The following STK17B variants were observed in gnomAD, a reference collection of about 807,000 sequenced individuals.
STK17B encodes serine/threonine kinase 17b.
A neutral mutation model predicts 42.0 loss-of-function variants in STK17B; 21 were observed. The ratio of observed to expected loss-of-function variants is 0.50; its 90% CI spans 0.35 to 0.72. The LOEUF (loss-of-function observed/expected upper bound fraction) is 0.72. Ranked by LOEUF, STK17B falls within the 30% of genes least tolerant of loss-of-function variation. STK17B has a pLI of 0.00. For missense variants in STK17B, 349 were observed against 446.0 expected (o/e 0.78, Z 1.96); for synonymous variants, 143 against 148.4 (o/e 0.96, Z 0.26).
At chr2:196,142,266 C>G (rs541915472) in intron 5 of STK17B, among the ~76,000 whole-genome samples, 1 of 152,296 alleles carries the variant, frequency 6.6e-6, no homozygotes, top group East Asian at 1.9e-4. Flanking sequence ...CCATGTTGGT[C>G]AGGCTGGTCT....
chr2:196,153,719 CA>C (rs1394620789), intron 3 of STK17B: 1 of 151,862 alleles, frequency 6.6e-6, no homozygotes, highest in Non-Finnish European at 1.5e-5. Flanking sequence ...ACACCAATGA[CA>C]TTATATCAAA....
intron 2 of STK17B, among the ~76,000 whole-genome samples, chr2:196,157,127 G>C (rs1029574376): frequency 6.7e-6 from 1 of 149,564 alleles, no homozygotes; most frequent in African/African-American, 2.5e-5. Context: ...ACTCCAGCCT[G>C]GGTGACAGAG....
intron 5 of STK17B, among the ~76,000 whole-genome samples, chr2:196,141,612 T>A (rs528180657): frequency 6.6e-6 from 1 of 152,288 alleles, no homozygotes; most frequent in African/African-American, 2.4e-5. Context: ...TGAGCTGAGA[T>A]CCCACCACTG....
intron 3 of STK17B, chr2:196,154,815 A>C (rs1402957717): frequency 6.6e-6 from 1 of 152,368 alleles, no homozygotes; most frequent in East Asian, 1.9e-4. Context: ...ATAGTAATTA[A>C]GCCGAAGTTC....
intron 3 of STK17B, among the ~76,000 whole-genome samples, chr2:196,152,746 G>T (rs1047253022): frequency 3.5e-4 from 53 of 152,198 alleles, no homozygotes; most frequent in African/African-American, 1.0e-3. Context: ...TTTTCTGTAA[G>T]TAAGAATATT....
intron 1 of STK17B, 95 bp from the exon 2 acceptor site, chr2:196,163,522 A>T (rs1699839381): frequency 7.6e-6 from 2 of 262,706 alleles, no homozygotes; most frequent in South Asian, 1.2e-4. Flanking sequence ...AAATACAACT[A>T]AAAAAAAAAA....
chr2:196,174,826 C>G (rs1358737897), upstream of STK17B, among the ~76,000 whole-genome samples: 1 of 152,242 alleles, frequency 6.6e-6, no homozygotes, highest in South Asian at 2.1e-4. Flanking sequence ...TCTTGAAACA[C>G]TATTAGCAAA....
intron 2 of STK17B, among the ~76,000 whole-genome samples, chr2:196,161,511 CT>C (rs71009086): frequency 6.9e-3 from 480 of 69,488 alleles, no homozygotes; most frequent in African/African-American, 0.026. Flanking sequence ...TATTATAATT[CT>C]TTTTTTTTTT....
In STK17B at chr2:196,141,306, A is replaced by G; in HGVS notation, c.608-9T>C. On this transcript the variant is annotated splice_polypyrimidine_tract_variant and intron_variant, in intron 5 of 7. Coordinates refer to ENST00000263955, the MANE Select transcript of STK17B (RefSeq NM_004226.4). ...GTTCAGGATTTCTGGAGCTGAAAGAAAAGATAAAACTTAAATTCAATATTG... is the reference window on the plus strand; with the variant it reads ...GTTCAGGATTTCTGGAGCTGAAAGAGAAGATAAAACTTAAATTCAATATTG... 1 of 1,600,004 alleles carries G rather than the reference A, an allele frequency of 6.2e-7. No individual in the cohort carries two copies. Among genetic ancestry groups the G allele is most frequent in the Non-Finnish European group, 8.5e-7 (1 of 1,171,566 alleles).
rs1290562959 is a variant in STK17B, at chr2:196,135,823, G to T, written c.*1624C>A. On this transcript the variant is annotated 3_prime_UTR_variant, in exon 8 of 8. Coordinates refer to ENST00000263955, the MANE Select transcript of STK17B (RefSeq NM_004226.4). ...AAAGCTCCTTTGGCACCTGAGTTGA[G>T]CACAATATACCACAGCAAAGAATCT... 1.4e-5 allele frequency: 2 copies of T among 145,142 alleles called. No homozygotes were observed. The highest frequency in any genetic ancestry group is 3.0e-5 in the Non-Finnish European group (2 of 66,648). The allele number at this position is 145,142 out of a possible 1,614,324, so 9.0% of individuals were successfully genotyped here.
upstream of STK17B, among the ~76,000 whole-genome samples, chr2:196,174,639 G>T (rs960089528): frequency 6.6e-6 from 1 of 152,226 alleles, no homozygotes. Flanking sequence ...CCCAACAGGG[G>T]TGCTCACTGA....
intron 3 of STK17B, among the ~76,000 whole-genome samples, chr2:196,147,150 C>T (rs1699588122): frequency 6.6e-6 from 1 of 152,004 alleles, no homozygotes; most frequent in Admixed American, 6.6e-5. Context: ...GAACATCATG[C>T]AAAAACATTT....
chr2:196,167,669 T>C (rs1273754679), intron 1 of STK17B, among the ~76,000 whole-genome samples: 2 of 152,220 alleles, frequency 1.3e-5, no homozygotes, highest in East Asian at 3.8e-4. Context: ...CCAGACAAGG[T>C]GGCTACTTGT....
Position 196,143,555 on chromosome 2 carries a change from C to T in STK17B, c.607+5G>A, listed in dbSNP as rs536098756. 88 of 1,587,942 alleles carry T rather than the reference C, an allele frequency of 5.5e-5. 1 individual carries two copies. The South Asian group carries it at 9.9e-4, about 18-fold the overall frequency. ...ATGGTATAGAAAATAAAAGGAAATT[C>T]TTACCTAAATATTCTGGTGTTCCCA... On this transcript the variant is annotated splice_donor_5th_base_variant and intron_variant, in intron 5 of 7. Coordinates refer to ENST00000263955, the MANE Select transcript of STK17B (RefSeq NM_004226.4).
chr2:196,156,955 A>T (rs904267460), intron 2 of STK17B, among the ~76,000 whole-genome samples: 1 of 152,202 alleles, frequency 6.6e-6, no homozygotes, highest in Admixed American at 6.5e-5. Context: ...ACTTGAGGTC[A>T]GGAGCTCAAG....
At position 196,169,137 on chromosome 2, in the gene STK17B, C is replaced by A. The variant is rs910700400; in HGVS notation, c.-45+2196G>T. 5.0e-5 allele frequency among the ~76,000 whole-genome samples: 7 copies of A among 139,630 alleles called. No homozygotes were observed. The East Asian group carries it at 1.5e-3, about 30-fold the overall frequency. The allele number at this position is 139,630 out of a possible 152,430, so 91.6% of individuals were successfully genotyped here. Reference sequence around the variant, plus strand: ...TGTTGCCCAGGCTGGAGTGCAGTGGCGTGATCTCGGCTCACTGCAACCTCG... The same window carrying A: ...TGTTGCCCAGGCTGGAGTGCAGTGGAGTGATCTCGGCTCACTGCAACCTCG... On this transcript the variant is annotated intron_variant, in intron 1 of 7. Coordinates refer to ENST00000263955, the MANE Select transcript of STK17B (RefSeq NM_004226.4).
chr2:196,159,964 G>A (rs1699790417), intron 2 of STK17B, among the ~76,000 whole-genome samples: 1 of 151,764 alleles, frequency 6.6e-6, no homozygotes, highest in African/African-American at 2.4e-5. Context: ...ATACTATGAA[G>A]GTAAACATTT....
At chr2:196,161,511 C>CTTTTTTTTTTT (rs71009086) in intron 2 of STK17B, among the ~76,000 whole-genome samples, 2 of 69,522 alleles carry the variant, frequency 2.9e-5, no homozygotes, top group African/African-American at 6.1e-5. Context: ...TATTATAATT[C>CTTTTTTTTTTT]TTTTTTTTTT....
At chr2:196,148,657 T>C (rs940593069) in intron 3 of STK17B, among the ~76,000 whole-genome samples, 1 of 152,162 alleles carries the variant, frequency 6.6e-6, no homozygotes, top group Non-Finnish European at 1.5e-5. Flanking sequence ...CCTAAATATA[T>C]AAAAAATAGA....
Sources: gnomAD v4.1 joint callset for allele counts (sites outside exome capture counted in the v4.1 genomes callset) on GRCh38, gnomAD v4.1.1 for gene constraint, MANE v1.5 for transcripts, NCBI Gene and HGNC (gene_info 2026-07-23, HGNC 2026-07-21) for gene names.